Variants in THADA observed in about 807,000 individuals in gnomAD.
THADA encodes the protein tRNA (32-2'-O)-methyltransferase regulator THADA.
Under a neutral mutation model 219.8 loss-of-function variants are expected in THADA, and 213 were observed. That is an observed-to-expected ratio of 0.97 (90% CI 0.87 to 1.09). THADA has a LOEUF of 1.09. Among genes scored for constraint, THADA ranks in the 50% least tolerant of loss-of-function variants. The pLI is 0.00. For missense variants in THADA, 2,956 were observed against 2,311.3 expected (o/e 1.28, Z -5.72); for synonymous variants, 1,018 against 828.9 (o/e 1.23, Z -3.92).
At chr2:43,254,043 G>C (rs1485433366) in intron 36 of THADA, among the ~76,000 whole-genome samples, 2 of 151,922 alleles carry the variant, frequency 1.3e-5, no homozygotes, top group African/African-American at 4.8e-5. Context: ...CTCAACTCCA[G>C]GCATGGGTAC....
At chr2:43,249,415 T>C (rs976144801) in intron 36 of THADA, among the ~76,000 whole-genome samples, 3 of 152,298 alleles carry the variant, frequency 2.0e-5, no homozygotes, top group African/African-American at 7.2e-5. Context: ...AGCAGGCTCC[T>C]TGCTTCCAGT....
chr2:43,546,823 C>A (rs1247814440), intron 20 of THADA, among the ~76,000 whole-genome samples: 1 of 152,170 alleles, frequency 6.6e-6, no homozygotes, highest in Admixed American at 6.5e-5. Context: ...ACTCTTTTAT[C>A]CAATTTGCCA....
chr2:43,343,180 A>C (rs879858375), intron 30 of THADA: 2 of 152,082 alleles, frequency 1.3e-5, no homozygotes, highest in Non-Finnish European at 1.5e-5. Flanking sequence ...GGCATGCACC[A>C]CCATACCTGG....
chr2:43,301,948 C>T (rs187261382), intron 31 of THADA, among the ~76,000 whole-genome samples: 4 of 152,244 alleles, frequency 2.6e-5, no homozygotes, highest in Non-Finnish European at 4.4e-5. Flanking sequence ...GAGTGCCCTT[C>T]GTTTGCAGGA....
chr2:43,305,366 G>A (rs760844119), intron 31 of THADA, among the ~76,000 whole-genome samples: 1 of 152,130 alleles, frequency 6.6e-6, no homozygotes, highest in Non-Finnish European at 1.5e-5. Context: ...ATGACCTGGT[G>A]GAGGGATTTG....
chr2:43,483,360 G>A (rs903487022), intron 26 of THADA, among the ~76,000 whole-genome samples: 1 of 152,072 alleles, frequency 6.6e-6, no homozygotes, highest in African/African-American at 2.4e-5. Context: ...AAAACTAAAA[G>A]AACCATCACA....
intron 29 of THADA, among the ~76,000 whole-genome samples, chr2:43,384,974 C>G (rs1455408371): frequency 6.6e-6 from 1 of 151,994 alleles, no homozygotes; most frequent in Non-Finnish European, 1.5e-5. Flanking sequence ...AACACCATCT[C>G]TACTAAAAAT....
chr2:43,521,227 GACAAGAA>G lies in THADA; in HGVS notation c.3374+6645_3374+6651del, dbSNP rs1692437339. ...AGGAAAGAGGGCAGGAGGGCAGGCA[GACAAGAA>G]GGCAGGCAGGCAGGCAGATGCACAA... On this transcript the variant is annotated intron_variant, in intron 22 of 37. Transcript: ENST00000405975. Among the ~76,000 whole-genome samples the G allele has an allele frequency of 3.4e-5, 5 of 149,064 alleles. No individual in the cohort carries two copies. The South Asian group carries it at 8.6e-4, about 26-fold the overall frequency.
rs1559003624 is a variant in THADA at position 43,574,828 on chromosome 2, TTTTGG to T, written c.1232_1236del (p.Thr411AsnfsTer22). The T allele has an allele frequency of 1.2e-6, 2 of 1,614,032 alleles. No individual in the cohort carries two copies. Among genetic ancestry groups the T allele is most frequent in the Admixed American group, 3.3e-5 (2 of 60,026 alleles). On this transcript the variant is annotated frameshift_variant, in exon 11 of 38. Transcript: ENST00000405975. LOFTEE classifies it high-confidence loss of function. The stretch of plus-strand genomic sequence containing the variant: ...ATTTGGAGAAGGTTTTTGAACATGA[TTTTGG>T]TTTGGTGTCTCAGAGCATCCAATGG...
At chr2:43,515,149 TTTATATATTATATATAATATA>T (rs1691338080) in intron 22 of THADA, among the ~76,000 whole-genome samples, 1 of 798 alleles carries the variant, frequency 1.3e-3, no homozygotes, top group Admixed American at 0.023. Flanking sequence ...TATAATATAT[TTTATATATTATATATAATATA>T]TTATATATTA....
intron 26 of THADA, among the ~76,000 whole-genome samples, chr2:43,475,590 C>G (rs924447746): frequency 1.3e-5 from 2 of 152,138 alleles, no homozygotes; most frequent in African/African-American, 4.8e-5. Flanking sequence ...GAGATTAGCT[C>G]TGAACCAGGG....
At chr2:43,273,582 C>A (rs1327215461) in intron 36 of THADA, among the ~76,000 whole-genome samples, 1 of 152,120 alleles carries the variant, frequency 6.6e-6, no homozygotes. Context: ...CCTTCTAGTG[C>A]CTGACTCTGT....
In THADA at chr2:43,572,869, TC is replaced by T; in HGVS notation, c.1852del (p.Glu618ArgfsTer9). 1.9e-6 allele frequency: 3 copies of T among 1,613,964 alleles called. No individual in the cohort carries two copies. The highest frequency in any genetic ancestry group is 2.5e-6 in the Non-Finnish European group (3 of 1,179,858). On this transcript the variant is annotated frameshift_variant, in exon 12 of 38. Coordinates refer to ENST00000405975, the MANE Select transcript of THADA (RefSeq NM_022065.5). LOFTEE classifies it high-confidence loss of function. Reference protein sequence around the residue: ...GHLQSATDTWENLVSDARIKQ... With the variant: ...GHLQSATDTWXNLVSDARIKQ... ...TATTCTTGCATCAGACACGAGGTTCTCCCAGGTATCAGTTGCAGACTGAAGA... is the reference window on the plus strand; with the variant it reads ...TATTCTTGCATCAGACACGAGGTTCTCCAGGTATCAGTTGCAGACTGAAGA...
At chr2:43,559,563 G>C in intron 16 of THADA, among the ~76,000 whole-genome samples, 1 of 152,184 alleles carries the variant, frequency 6.6e-6, no homozygotes, top group East Asian at 1.9e-4. Context: ...ACAGCCCTAG[G>C]AGAAGCCTCA....
chr2:43,590,713 C>A, intron 4 of THADA, 111 bp downstream of exon 4: 9 of 989,924 alleles, frequency 9.1e-6, no homozygotes, highest in South Asian at 3.6e-5. Flanking sequence ...TATGAATGAA[C>A]TTTTTGTGAT....
intron 29 of THADA, among the ~76,000 whole-genome samples, chr2:43,362,169 C>G (rs1669597209): frequency 1.3e-5 from 2 of 152,244 alleles, no homozygotes; most frequent in African/African-American, 4.8e-5. Context: ...TTGCTTTTAC[C>G]TTATTCAAAG....
At chr2:43,262,503 C>T (rs1003057205) in intron 36 of THADA, among the ~76,000 whole-genome samples, 8 of 152,124 alleles carry the variant, frequency 5.3e-5, no homozygotes, top group African/African-American at 1.7e-4. Flanking sequence ...GGACTGCAGT[C>T]ACTTGAGAGA....
chr2:43,568,999 C>T (rs1032026524), intron 14 of THADA, among the ~76,000 whole-genome samples: 6 of 152,230 alleles, frequency 3.9e-5, no homozygotes, highest in African/African-American at 9.6e-5. Flanking sequence ...AGCAGGGTCT[C>T]GCTGCTCTGT....
At chr2:43,342,524 G>A (rs1394879612) in intron 30 of THADA, among the ~76,000 whole-genome samples, 1 of 152,118 alleles carries the variant, frequency 6.6e-6, no homozygotes, top group Admixed American at 6.5e-5. Context: ...CTACAGTGCC[G>A]TTTCATATTG....
Sources: gnomAD v4.1 joint callset for allele counts (sites outside exome capture counted in the v4.1 genomes callset) on GRCh38, gnomAD v4.1.1 for gene constraint, MANE v1.5 for transcripts, NCBI Gene and HGNC (gene_info 2026-07-23, HGNC 2026-07-21) for gene names.